The following FGD4 variants were observed in gnomAD, a reference collection of about 807,000 sequenced individuals.
The protein encoded by FGD4 is FYVE, RhoGEF and PH domain-containing protein 4.
A neutral mutation model predicts 102.0 loss-of-function variants in FGD4; 42 were observed. The observed-to-expected ratio is 0.41, with a 90% CI of 0.32 to 0.53. FGD4 has a LOEUF of 0.53. Ranked by LOEUF, FGD4 falls within the 20% of genes least tolerant of loss-of-function variation. The probability of loss-of-function intolerance (pLI) is 0.21; values close to 1 mark genes in which losing one functional copy is unlikely to be tolerated. For synonymous variants in FGD4, 380 were observed against 375.7 expected, an observed-to-expected ratio of 1.01 and a Z score of -0.13; for missense variants, 902 against 1,078.2, an observed-to-expected ratio of 0.84 and a Z score of 2.29.
intron 1 of FGD4, among the ~76,000 whole-genome samples, chr12:32,434,199 C>T (rs144432053): frequency 1.3e-3 from 202 of 152,248 alleles, no homozygotes; most frequent in African/African-American, 4.7e-3. Flanking sequence ...TGGGCCTTCC[C>T]CTTGATTTTC....
At chr12:32,601,143 C>A in intron 5 of FGD4, 135 bp from the exon 6 acceptor site, 2 of 851,594 alleles carry the variant, frequency 2.3e-6, no homozygotes, top group Non-Finnish European at 1.8e-6. Context: ...TCCTAAATTT[C>A]AAAGGATTCT....
intron 1 of FGD4, among the ~76,000 whole-genome samples, chr12:32,512,464 G>C (rs1386064712): frequency 1.3e-5 from 2 of 151,178 alleles, no homozygotes; most frequent in Non-Finnish European, 2.9e-5. Flanking sequence ...AAAAAAAGTA[G>C]AGTGCTTGTT....
At chr12:32,553,435 A>G (rs987655266) in intron 1 of FGD4, among the ~76,000 whole-genome samples, 1 of 152,192 alleles carries the variant, frequency 6.6e-6, no homozygotes, top group Admixed American at 6.5e-5. Flanking sequence ...TAATTTGGGG[A>G]AAACAAAATA....
At chr12:32,539,570 A>G (rs367790935) in intron 1 of FGD4, among the ~76,000 whole-genome samples, 3,136 of 132,614 alleles carry the variant, frequency 0.024, 101 homozygotes, top group African/African-American at 0.076. Flanking sequence ...ACTCTGTCTC[A>G]GGGGGGAAAA....
intron 1 of FGD4, among the ~76,000 whole-genome samples, 169 bp downstream of exon 1, chr12:32,400,128 T>A (rs1046256838): frequency 7.9e-5 from 12 of 152,248 alleles, no homozygotes; most frequent in African/African-American, 2.9e-4. Context: ...TTAGCTATGC[T>A]GTCCCTTCCC....
chr12:32,591,141 G>A (rs1592325325), intron 4 of FGD4, among the ~76,000 whole-genome samples: 1 of 152,064 alleles, frequency 6.6e-6, no homozygotes, highest in Non-Finnish European at 1.5e-5. Flanking sequence ...GTATGTACCT[G>A]TACAAAGGGT....
intron 1 of FGD4, chr12:32,501,981 C>A: frequency 1.0e-6 from 1 of 967,524 alleles, no homozygotes; most frequent in Non-Finnish European, 1.2e-6. Flanking sequence ...CAAACACCTG[C>A]TAGGCAAGCC....
At chr12:32,630,498 G>GGT (rs1198316751) in intron 14 of FGD4, among the ~76,000 whole-genome samples, 1 of 152,124 alleles carries the variant, frequency 6.6e-6, no homozygotes, top group Non-Finnish European at 1.5e-5. Context: ...TGGGCAACAT[G>GGT]GTGAAACTCT....
intron 1 of FGD4, among the ~76,000 whole-genome samples, chr12:32,496,493 C>T (rs1196251785): frequency 6.6e-6 from 1 of 152,084 alleles, no homozygotes; most frequent in Admixed American, 6.5e-5. Flanking sequence ...ATCAAAAACT[C>T]ATCAAGAAAA....
chr12:32,539,079 A>T (rs181320843), intron 1 of FGD4, among the ~76,000 whole-genome samples: 2,356 of 151,992 alleles, frequency 0.016, 29 homozygotes, highest in Middle Eastern at 0.031. Context: ...AAAAATAAAT[A>T]AGAAAAAGAG....
At chr12:32,549,440 A>G (rs1321023729) in intron 1 of FGD4, among the ~76,000 whole-genome samples, 4 of 152,228 alleles carry the variant, frequency 2.6e-5, no homozygotes, top group Admixed American at 2.6e-4. Flanking sequence ...TCGTCCTTCC[A>G]TCCGAATCAC....
At chr12:32,502,027 T>G (rs1938256105) in intron 1 of FGD4, 23 of 985,442 alleles carry the variant, frequency 2.3e-5, no homozygotes, top group Non-Finnish European at 2.8e-5. Context: ...TTCCTTCCTT[T>G]AGGATTTGCA....
rs41276678 is a variant in FGD4 at position 32,642,736 on chromosome 12, T to C, written c.*2203T>C. 2,336 of 152,208 alleles carry C rather than the reference T, an allele frequency of 0.015. 35 individuals carry two copies. The highest frequency in any genetic ancestry group is 0.015 in the Non-Finnish European group (1,010 of 67,910). 9.4% of individuals were successfully genotyped at this position (152,208 alleles called of 1,614,324 possible). A position where few individuals can be genotyped will look rare whatever the true frequency, so the allele number is the denominator to read the frequency against. Reference sequence around the variant, plus strand: ...ATTTCTGGTTATCCGGTCACCATATTCACTTTCCACCCCACATTCTTCAGC... The same window carrying C: ...ATTTCTGGTTATCCGGTCACCATATCCACTTTCCACCCCACATTCTTCAGC... On this transcript the variant is annotated 3_prime_UTR_variant, in exon 17 of 17. Transcript: ENST00000534526.
At chr12:32,599,586 C>T (rs1017321016) in intron 5 of FGD4, among the ~76,000 whole-genome samples, 1 of 89,662 alleles carries the variant, frequency 1.1e-5, no homozygotes, top group South Asian at 4.9e-4. Flanking sequence ...CTGGCCCTGT[C>T]GCCCAGGCTG....
chr12:32,417,433 T>C (rs150636627), intron 1 of FGD4, among the ~76,000 whole-genome samples: 2 of 151,966 alleles, frequency 1.3e-5, no homozygotes, highest in African/African-American at 2.4e-5. Flanking sequence ...AAGTGCTAGA[T>C]GTATTGGAGC....
chr12:32,640,799 G>A lies in FGD4; in HGVS notation c.*266G>A. On this transcript the variant is annotated 3_prime_UTR_variant, in exon 17 of 17. Coordinates refer to ENST00000534526, the MANE Select transcript of FGD4 (RefSeq NM_001370298.3). ...ATGTGCTTTTTTGTCTTGAAGAAATGGTGTATCAATTGATTCTGTCACCGT... is the reference window on the plus strand; with the variant it reads ...ATGTGCTTTTTTGTCTTGAAGAAATAGTGTATCAATTGATTCTGTCACCGT... The A allele has an allele frequency of 3.3e-6, 2 of 601,410 alleles. No homozygotes were observed. The highest frequency in any genetic ancestry group is 2.1e-5 in the South Asian group (1 of 48,418). The allele number at this position is 601,410 out of a possible 1,614,324, so 37.3% of individuals were successfully genotyped here.
intron 11 of FGD4, among the ~76,000 whole-genome samples, chr12:32,620,828 A>G (rs1209657189): frequency 6.7e-6 from 1 of 149,670 alleles, no homozygotes; most frequent in Admixed American, 6.7e-5. Context: ...CTCCCGAGCT[A>G]ATTTTTGTAT....
chr12:32,499,704 C>T (rs1484746602), intron 1 of FGD4, among the ~76,000 whole-genome samples: 1 of 152,170 alleles, frequency 6.6e-6, no homozygotes, highest in African/African-American at 2.4e-5. Context: ...CTAGGTAAGC[C>T]TGGCCTTTTG....
rs544385492 is a variant in FGD4, at chr12:32,439,364, G to C, written c.166+39405G>C. 5.6e-4 allele frequency among the ~76,000 whole-genome samples: 86 copies of C among 152,302 alleles called. 1 individual carries two copies. The South Asian group carries it at 0.017, about 30-fold the overall frequency. ...CCACATTTTCTATTCAGCTGTTGCT[G>C]AACACTTAGGTTGATTCCATATCTT... On this transcript the variant is annotated intron_variant, in intron 1 of 16. Coordinates refer to ENST00000534526, the MANE Select transcript of FGD4 (RefSeq NM_001370298.3).
Sources: allele counts gnomAD v4.1 joint callset (sites outside exome capture counted in the v4.1 genomes callset), GRCh38; gene constraint gnomAD v4.1.1; transcripts MANE v1.5; gene names NCBI Gene and HGNC (gene_info 2026-07-23, HGNC 2026-07-21).